The following TEC variants were observed in gnomAD, a reference collection of about 807,000 sequenced individuals.
The protein encoded by TEC is tyrosine-protein kinase Tec.
TEC carries 72 observed loss-of-function variants against 93.0 expected under a neutral mutation model. That is an observed-to-expected ratio of 0.77 (90% CI 0.64 to 0.94). The LOEUF (loss-of-function observed/expected upper bound fraction) is 0.94, where lower values mean the gene tolerates loss of function less well. Ranked by LOEUF, TEC falls within the 40% of genes least tolerant of loss-of-function variation. TEC has a pLI of 0.00. For synonymous variants in TEC, 249 were observed against 247.7 expected, an observed-to-expected ratio of 1.01 and a Z score of -0.05; for missense variants, 630 against 757.9, an observed-to-expected ratio of 0.83 and a Z score of 1.98.
chr4:48,138,546 A>T, intron 17 of TEC, 119 bp downstream of exon 17: 1 of 1,202,572 alleles, frequency 8.3e-7, no homozygotes. Context: ...CTTCCTACCT[A>T]GAGCTTGAAA....
intron 2 of TEC, among the ~76,000 whole-genome samples, chr4:48,218,322 T>TTTG (rs995863917): frequency 6.6e-6 from 1 of 152,182 alleles, no homozygotes; most frequent in East Asian, 1.9e-4. Context: ...TCATGTCACT[T>TTTG]TTGTTGTTGT....
At chr4:48,212,110 A>AAAAAAAAAAATATATATATATATATAT in intron 2 of TEC, among the ~76,000 whole-genome samples, 1 of 122,266 alleles carries the variant, frequency 8.2e-6, no homozygotes, top group African/African-American at 3.0e-5. Context: ...AAAAAAAAAA[A>AAAAAAAAAAATATATATATATATATAT]ATATATATAT....
chr4:48,252,344 T>A (rs895802213), intron 1 of TEC, among the ~76,000 whole-genome samples: 1 of 152,262 alleles, frequency 6.6e-6, no homozygotes, highest in African/African-American at 2.4e-5. Context: ...GTTGATTAAA[T>A]TGGCAAAGGC....
chr4:48,186,267 C>A (rs914531733), intron 2 of TEC, among the ~76,000 whole-genome samples: 2 of 152,210 alleles, frequency 1.3e-5, no homozygotes, highest in African/African-American at 4.8e-5. Context: ...GCAGCCTCTG[C>A]CTGGCCGCCA....
At chr4:48,150,037 A>G (rs1259976311) in intron 10 of TEC, among the ~76,000 whole-genome samples, 1 of 152,200 alleles carries the variant, frequency 6.6e-6, no homozygotes, top group South Asian at 2.1e-4. Context: ...CACTTAAATC[A>G]CCAATAGTGA....
At chr4:48,183,945 G>T (rs2109569425) in intron 2 of TEC, among the ~76,000 whole-genome samples, 1 of 152,248 alleles carries the variant, frequency 6.6e-6, no homozygotes, top group South Asian at 2.1e-4. Flanking sequence ...GGATTGTAGA[G>T]GCTGAGCCAG....
chr4:48,163,696 A>T lies in TEC; in HGVS notation c.737+6T>A. 6.9e-7 allele frequency: 1 copy of T among 1,443,382 alleles called. No individual in the cohort carries two copies. Among genetic ancestry groups the T allele is most frequent in the Non-Finnish European group, 9.4e-7 (1 of 1,064,072 alleles). The allele number at this position is 1,443,382 out of a possible 1,614,324, so 89.4% of individuals were successfully genotyped here. On this transcript the variant is annotated splice_donor_region_variant and intron_variant, in intron 8 of 17. Coordinates refer to ENST00000381501, the MANE Select transcript of TEC (RefSeq NM_003215.3). ...TTCCACATTCACAAAATAAACATTT[A>T]CTTACTCATATTGATCTAAGTTGTT...
intron 3 of TEC, 59 bp downstream of exon 3, chr4:48,176,023 T>C (rs1313760919): frequency 7.5e-7 from 1 of 1,328,130 alleles, no homozygotes; most frequent in African/African-American, 1.5e-5. Flanking sequence ...AACTGTAATG[T>C]CAAAGAGCAA....
chr4:48,146,544 C>A, intron 11 of TEC, 145 bp from the exon 12 acceptor site: 1 of 633,760 alleles, frequency 1.6e-6, no homozygotes, highest in Non-Finnish European at 2.7e-6. Context: ...CTGCTATATG[C>A]TTTTATTCAT....
At chr4:48,266,576 G>A (rs866528495) in intron 1 of TEC, among the ~76,000 whole-genome samples, 22 of 152,250 alleles carry the variant, frequency 1.4e-4, no homozygotes, top group East Asian at 7.7e-4. Context: ...GTTTGGTCAC[G>A]CCTGTAATCC....
intron 2 of TEC, among the ~76,000 whole-genome samples, chr4:48,189,811 A>G (rs1486364146): frequency 1.3e-5 from 2 of 152,224 alleles, no homozygotes; most frequent in African/African-American, 2.4e-5. Context: ...GTGCTGTCCT[A>G]TGGTTTACGC....
intron 1 of TEC, among the ~76,000 whole-genome samples, chr4:48,246,376 T>C (rs1724056468): frequency 2.6e-5 from 4 of 152,126 alleles, no homozygotes; most frequent in Admixed American, 2.0e-4. Flanking sequence ...ATTCAATGAA[T>C]TCTCTATTAA....
chr4:48,141,657 C>T (rs888326457), intron 14 of TEC: 4 of 406,246 alleles, frequency 9.8e-6, no homozygotes, highest in African/African-American at 8.6e-5. Context: ...ATAATCTTTA[C>T]CAATTGTCTT....
chr4:48,261,233 C>A (rs58901005), intron 1 of TEC, among the ~76,000 whole-genome samples: 9 of 152,148 alleles, frequency 5.9e-5, no homozygotes, highest in Non-Finnish European at 1.5e-5. Context: ...AATTCAAAAG[C>A]ATGTATACCT....
chr4:48,144,382 T>C (rs1719815040), intron 14 of TEC, among the ~76,000 whole-genome samples: 1 of 152,150 alleles, frequency 6.6e-6, no homozygotes, highest in African/African-American at 2.4e-5. Flanking sequence ...ACCGATATGC[T>C]GAAAACAGAC....
intron 1 of TEC, among the ~76,000 whole-genome samples, chr4:48,251,002 G>A (rs558641892): frequency 6.6e-6 from 1 of 152,254 alleles, no homozygotes; most frequent in South Asian, 2.1e-4. Context: ...CTCCTAATGG[G>A]TCTCAGTACT....
At chr4:48,268,824 C>G (rs1228087717) in intron 1 of TEC, among the ~76,000 whole-genome samples, 1 of 152,216 alleles carries the variant, frequency 6.6e-6, no homozygotes, top group Non-Finnish European at 1.5e-5. Flanking sequence ...ACCAGCCATC[C>G]TGTTGTTCCA....
At chr4:48,175,797 CA>C (rs1237227464) in intron 3 of TEC, among the ~76,000 whole-genome samples, 1 of 152,082 alleles carries the variant, frequency 6.6e-6, no homozygotes, top group Admixed American at 6.5e-5. Context: ...TTTTTTTCAT[CA>C]CAAGCAGCCT....
chr4:48,206,431 A>G (rs111342167), intron 2 of TEC, among the ~76,000 whole-genome samples: 17 of 152,342 alleles, frequency 1.1e-4, no homozygotes, highest in African/African-American at 4.1e-4. Context: ...TTCAGAATAT[A>G]TATATTTTTT....
Sources: gnomAD v4.1 joint callset for allele counts (sites outside exome capture counted in the v4.1 genomes callset) on GRCh38, gnomAD v4.1.1 for gene constraint, MANE v1.5 for transcripts, NCBI Gene and HGNC (gene_info 2026-07-23, HGNC 2026-07-21) for gene names.